ZNF341: variants seen among roughly 807,000 people sequenced by gnomAD.
The protein encoded by ZNF341 is zinc finger protein 341.
A neutral mutation model predicts 87.7 loss-of-function variants in ZNF341; 52 were observed. The observed-to-expected ratio is 0.59, with a 90% confidence interval of 0.47 to 0.75. ZNF341 has a LOEUF of 0.75. Among genes scored for constraint, ZNF341 ranks in the 30% least tolerant of loss-of-function variants. The pLI is 0.00. For missense variants in ZNF341, 977 were observed against 1,145.9 expected (o/e 0.85, Z 2.13); for synonymous variants, 459 against 472.7 (o/e 0.97, Z 0.38).
chr20:33,735,070 A>G (rs932417151), intron 1 of ZNF341, among the ~76,000 whole-genome samples: 10 of 150,482 alleles, frequency 6.6e-5, no homozygotes, highest in Non-Finnish European at 1.2e-4. Context: ...TCACTCTGTC[A>G]CCCAAGCTGG....
intron 2 of ZNF341, 73 bp downstream of exon 2, chr20:33,741,085 G>T: frequency 2.1e-6 from 3 of 1,408,528 alleles, no homozygotes; most frequent in Non-Finnish European, 2.0e-6. Flanking sequence ...GCTTGTGCTG[G>T]GCTGTGGGAG....
intron 9 of ZNF341, among the ~76,000 whole-genome samples, chr20:33,767,904 C>CT (rs2019442113): frequency 6.6e-6 from 1 of 152,176 alleles, no homozygotes; most frequent in African/African-American, 2.4e-5. Flanking sequence ...CCATTCTTAG[C>CT]TTATGGGCTT....
rs978326782 is a variant in ZNF341 at position 33,749,055 on chromosome 20, G to T, written c.472G>T (p.Gly158Cys). The change falls in exon 4 of 15, where the codon GGC (glycine) becomes TGC (cysteine). Residue 158 changes from glycine (G) to cysteine (C), a missense_variant. Around this residue, in one of 3 missense-constraint regions of ZNF341, gnomAD observed 515 missense variants for 598.2 expected, o/e 0.86. Coordinates refer to ENST00000375200, the MANE Select transcript of ZNF341 (RefSeq NM_001282933.2). ...ATCCCTGGACCAGCCCATGCCCCAGGGCCCCCCACCTGTGCAGGTAAGAAG... is the reference window on the plus strand; with the variant it reads ...ATCCCTGGACCAGCCCATGCCCCAGTGCCCCCCACCTGTGCAGGTAAGAAG... ...FTSLDQPMPQ[G>C]PPPVQSSLNM... is the part of the protein sequence containing the mutation. 8.1e-6 allele frequency: 13 copies of T among 1,613,730 alleles called. No individual in the cohort carries two copies. The highest frequency in any genetic ancestry group is 3.3e-5 in the Admixed American group (2 of 59,972).
chr20:33,770,428 G>C, intron 10 of ZNF341, 136 bp downstream of exon 10: 1 of 842,344 alleles, frequency 1.2e-6, no homozygotes, highest in Non-Finnish European at 1.8e-6. Flanking sequence ...CCTGGCTGGG[G>C]TCCAGCCTGG....
At chr20:33,764,561 A>ATATATATATATATATATATATATATATTT (rs1266929824) in intron 8 of ZNF341, among the ~76,000 whole-genome samples, 1 of 28,402 alleles carries the variant, frequency 3.5e-5, no homozygotes, top group Admixed American at 6.0e-4. Context: ...ATATATATAT[A>ATATATATATATATATATATATATATATTT]TTTTTTTTTT....
chr20:33,762,738 A>G (rs940179002), intron 8 of ZNF341, among the ~76,000 whole-genome samples: 1 of 151,814 alleles, frequency 6.6e-6, no homozygotes, highest in African/African-American at 2.4e-5. Context: ...CCCTGTGTCC[A>G]TGTGTTCTCA....
Position 33,761,968 on chromosome 20 carries a change from C to T in ZNF341, c.1135C>T (p.His379Tyr). ...MQTHKVWPPGHSGGTVSRNSV... is the reference protein window; with the variant it reads ...MQTHKVWPPGYSGGTVSRNSV... ...GACCCACAAGGTGTGGCCTCCAGGA[C>T]ACAGTGGTGGCACCGTGTCTCGAAA... The change falls in exon 8 of 15, where the codon CAC becomes TAC. Residue 379 changes from histidine to tyrosine, a missense_variant. Coordinates refer to ENST00000375200, the MANE Select transcript of ZNF341 (RefSeq NM_001282933.2). 1.9e-6 allele frequency: 3 copies of T among 1,608,616 alleles called. No homozygotes were observed. The highest frequency in any genetic ancestry group is 2.6e-6 in the Non-Finnish European group (3 of 1,176,160).
intron 1 of ZNF341, among the ~76,000 whole-genome samples, chr20:33,734,333 G>A (rs2018636474): frequency 6.6e-6 from 1 of 152,140 alleles, no homozygotes; most frequent in Admixed American, 6.5e-5. Flanking sequence ...TTCAGCAGGG[G>A]AGCAGCACAA....
intron 10 of ZNF341, among the ~76,000 whole-genome samples, chr20:33,778,011 T>C (rs2019663199): frequency 6.6e-6 from 1 of 152,230 alleles, no homozygotes; most frequent in South Asian, 2.1e-4. Flanking sequence ...TCCTCCTCCG[T>C]GTGTCATATC....
intron 8 of ZNF341, 62 bp downstream of exon 8, chr20:33,762,117 A>G (rs1195982455): frequency 2.0e-6 from 3 of 1,463,782 alleles, no homozygotes; most frequent in East Asian, 2.4e-5. Flanking sequence ...CACAGGTTTT[A>G]TTGCTAGCTG....
chr20:33,781,323 C>G lies in ZNF341; in HGVS notation c.1655C>G (p.Pro552Arg). ...CVKCVNKYSTPEALEHHLQTA... is the reference protein window; with the variant it reads ...CVKCVNKYSTREALEHHLQTA... ...AAATGTGTCAACAAATACTCCACCC[C>G]TGAGGCCCTGGAGCACCACCTGCAG... Residue 552 changes from proline (P) to arginine (R), a missense_variant, in exon 11 of 15, where the codon CCT becomes CGT. Pro to Arg is a moderately radical substitution (Grantham distance 103). Transcript: ENST00000375200. 6.2e-7 allele frequency: 1 copy of G among 1,614,122 alleles called. No individual in the cohort carries two copies. The highest frequency in any genetic ancestry group is 8.5e-7 in the Non-Finnish European group (1 of 1,179,998).
At chr20:33,778,742 T>G (rs7271022) in intron 10 of ZNF341, among the ~76,000 whole-genome samples, 1 of 152,242 alleles carries the variant, frequency 6.6e-6, no homozygotes, top group East Asian at 1.9e-4. Context: ...GCCTGCCTTT[T>G]GGTTTTTGCT....
intron 3 of ZNF341, among the ~76,000 whole-genome samples, chr20:33,748,274 G>A (rs2018977564): frequency 1.3e-5 from 2 of 151,780 alleles, no homozygotes; most frequent in African/African-American, 4.8e-5. Flanking sequence ...GTTTCACCAC[G>A]TTGGCCAGGA....
rs2019351887 is a variant in ZNF341, at chr20:33,764,243, G to A, written c.1222+2188G>A. ...GGTGTTTCACTGTGTTAGCCAGGAT[G>A]GTCTCCATCTCCTGACCTCGTGATC... On this transcript the variant is annotated intron_variant, in intron 8 of 14. Transcript: ENST00000375200. Among the ~76,000 whole-genome samples, 3 of 150,146 alleles carry A rather than the reference G, an allele frequency of 2.0e-5. No individual in the cohort carries two copies. In the South Asian group the frequency reaches 6.3e-4, roughly 32 times the overall value.
In ZNF341 at chr20:33,753,180, G is replaced by T. The variant is rs1286366308; in HGVS notation, c.498G>T (p.Leu166=). The change falls in exon 5 of 15, where the codon CTG becomes CTT. Residue 166 remains leucine, a synonymous_variant. Transcript: ENST00000375200. The part of the protein sequence containing the change: ...PQGPPPVQSS[L]NMHSVPSYLT... Reference sequence around the variant, plus strand: ...TTCTTTTCTGATTTCAGAGCAGCCTGAACATGCATTCCGTGCCCAGCTACC... The same window carrying T: ...TTCTTTTCTGATTTCAGAGCAGCCTTAACATGCATTCCGTGCCCAGCTACC... 1 of 1,611,922 alleles carries T rather than the reference G, an allele frequency of 6.2e-7. No individual in the cohort carries two copies. The highest frequency in any genetic ancestry group is 1.3e-5 in the African/African-American group (1 of 74,846).
chr20:33,737,382 C>T (rs1172735722), intron 1 of ZNF341, among the ~76,000 whole-genome samples: 7 of 152,236 alleles, frequency 4.6e-5, no homozygotes, highest in South Asian at 2.1e-4. Context: ...AGTGCAATGG[C>T]GTGATCTCAC....
intron 10 of ZNF341, among the ~76,000 whole-genome samples, chr20:33,775,375 T>A (rs1172555076): frequency 6.6e-6 from 1 of 151,836 alleles, no homozygotes; most frequent in East Asian, 1.9e-4. Context: ...CATGCCCCGC[T>A]AATTTTTTGT....
At chr20:33,742,945 G>C (rs138548682) in intron 2 of ZNF341, among the ~76,000 whole-genome samples, 1 of 152,006 alleles carries the variant, frequency 6.6e-6, no homozygotes, top group Admixed American at 6.5e-5. Flanking sequence ...AGAAGGATAC[G>C]AGTTGAGAGT....
chr20:33,790,561 A>G (rs996207888), intron 14 of ZNF341, among the ~76,000 whole-genome samples: 1 of 152,184 alleles, frequency 6.6e-6, no homozygotes, highest in Non-Finnish European at 1.5e-5. Flanking sequence ...GTTTACAGAA[A>G]GGAGTCAGTC....
Sources: allele counts gnomAD v4.1 joint callset (sites outside exome capture counted in the v4.1 genomes callset), GRCh38; gene constraint gnomAD v4.1.1; regional missense constraint gnomAD v4.1.1; transcripts MANE v1.5; gene names NCBI Gene and HGNC (gene_info 2026-07-23, HGNC 2026-07-21).